Variants in ZNF678 observed in about 807,000 individuals in gnomAD.
The protein encoded by ZNF678 is hypothetical protein MGC42493.
ZNF678 carries 5 observed loss-of-function variants against 3.0 expected under a neutral mutation model. The observed-to-expected ratio is 1.69, with a 90% CI of 0.88 to 3.56. The LOEUF (loss-of-function observed/expected upper bound fraction) is 3.56, where lower values mean the gene tolerates loss of function less well. Among genes scored for constraint, ZNF678 ranks in the 30% most tolerant of loss-of-function variants. ZNF678 has a pLI of 0.00. For synonymous variants in ZNF678, 218 were observed against 199.6 expected (o/e 1.09, Z -0.78); for missense variants, 593 against 605.0 (o/e 0.98, Z 0.21).
chr1:227,599,188 T>A (rs1394494807), intron 1 of ZNF678: 1 of 1,088,418 alleles, frequency 9.2e-7, no homozygotes, highest in Non-Finnish European at 1.4e-6. Flanking sequence ...AAATAACCTT[T>A]GTTAAATTTA....
downstream of ZNF678, among the ~76,000 whole-genome samples, chr1:227,678,591 A>G (rs1431556098): frequency 6.6e-6 from 1 of 152,178 alleles, no homozygotes; most frequent in Admixed American, 6.5e-5. Context: ...GTCTGGTGGT[A>G]TTGTGGGAAA....
chr1:227,585,308 A>G (rs1049907559), intron 1 of ZNF678, among the ~76,000 whole-genome samples: 1 of 152,196 alleles, frequency 6.6e-6, no homozygotes, highest in Non-Finnish European at 1.5e-5. Context: ...CTGAAAACAC[A>G]GGTATCTTTG....
chr1:227,618,480 A>G (rs1478244453), intron 1 of ZNF678, among the ~76,000 whole-genome samples: 1 of 152,170 alleles, frequency 6.6e-6, no homozygotes, highest in African/African-American at 2.4e-5. Context: ...TCAAGCTTTC[A>G]TCTTATTTTC....
At chr1:227,640,663 A>G (rs1571907077) in intron 1 of ZNF678, among the ~76,000 whole-genome samples, 1 of 152,180 alleles carries the variant, frequency 6.6e-6, no homozygotes. Flanking sequence ...TGGACCCGTT[A>G]TCTAATTCGT....
At chr1:227,591,934 C>G (rs1190668695) in intron 1 of ZNF678, among the ~76,000 whole-genome samples, 1 of 152,160 alleles carries the variant, frequency 6.6e-6, no homozygotes, top group Non-Finnish European at 1.5e-5. Context: ...CCTCATGCTT[C>G]AGCCGTGCGT....
chr1:227,604,378 GA>G (rs1436468541), intron 1 of ZNF678, among the ~76,000 whole-genome samples: 1 of 152,172 alleles, frequency 6.6e-6, no homozygotes, highest in Non-Finnish European at 1.5e-5. Flanking sequence ...CATAAGAAGG[GA>G]TATCTCCCTG....
At chr1:227,587,739 C>A (rs1657297616) in intron 1 of ZNF678, among the ~76,000 whole-genome samples, 1 of 151,406 alleles carries the variant, frequency 6.6e-6, no homozygotes, top group African/African-American at 2.4e-5. Flanking sequence ...AAATTTGGAG[C>A]TTCTCCTCCA....
intron 1 of ZNF678, among the ~76,000 whole-genome samples, chr1:227,585,305 C>A (rs2935155): frequency 0.52 from 79,309 of 151,962 alleles, 21,948 homozygotes; most frequent in Non-Finnish European, 0.62. Context: ...TAGCTGAAAA[C>A]ACAGGTATCT....
chr1:227,608,428 A>G (rs1250232453), intron 1 of ZNF678, among the ~76,000 whole-genome samples: 2 of 152,166 alleles, frequency 1.3e-5, no homozygotes, highest in East Asian at 1.9e-4. Context: ...AATTTATTCA[A>G]CACATAAAAT....
chr1:227,565,598 G>A (rs1488244472), intron 1 of ZNF678, among the ~76,000 whole-genome samples: 6 of 151,706 alleles, frequency 4.0e-5, no homozygotes, highest in Non-Finnish European at 7.4e-5. Context: ...TTAAAGATTT[G>A]TTATCTGTTT....
In ZNF678 at chr1:227,656,017, A is replaced by G; in HGVS notation, c.*189A>G. ...AGATCTTCCTGTAAACAGAATCTGT[A>G]CTAGAGGAAAAACCCTTAAACAATT... is the stretch of plus-strand genomic sequence containing the variant. On this transcript the variant is annotated 3_prime_UTR_variant, in exon 4 of 4. Transcript: ENST00000343776. 2.2e-6 allele frequency: 1 copy of G among 465,030 alleles called. No homozygotes were observed. The highest frequency in any genetic ancestry group is 6.9e-5 in the South Asian group (1 of 14,484). The allele number at this position is 465,030 out of a possible 1,614,324, so 28.8% of individuals were successfully genotyped here.
At chr1:227,579,144 A>G (rs903697) in intron 1 of ZNF678, among the ~76,000 whole-genome samples, 79,321 of 151,792 alleles carry the variant, frequency 0.52, 21,977 homozygotes, top group Non-Finnish European at 0.62. Context: ...GAGGTGCAGC[A>G]GCTGCAGCAG....
chr1:227,677,304 A>T (rs559808545), exon 6 of ZNF678: 1 of 152,338 alleles, frequency 6.6e-6, no homozygotes, highest in East Asian at 1.9e-4. Flanking sequence ...GAAGCTCCCT[A>T]TCAAGTGCTC....
Position 227,583,916 on chromosome 1 carries a change from C to T in ZNF678, c.-164+20192C>T, listed in dbSNP as rs186188420. ...GAGATCAAACTAATACAGCATGGCC[C>T]AGAGACCCATGCATCCAAAAACAAG... On this transcript the variant is annotated intron_variant, in intron 1 of 3. Transcript: ENST00000343776. 2.5e-3 allele frequency among the ~76,000 whole-genome samples: 374 copies of T among 152,266 alleles called. 2 individuals carry two copies. The highest frequency in any genetic ancestry group is 4.3e-3 in the Non-Finnish European group (291 of 68,014).
Position 227,654,578 on chromosome 1 carries a change from TC to T in ZNF678, c.329del (p.Ser110Ter), listed in dbSNP as rs1461945351. On this transcript the variant is annotated frameshift_variant, in exon 4 of 4. Transcript: ENST00000343776. LOFTEE classifies it low-confidence loss of function (END_TRUNC). ...ATGTGGCAGAAATTTTAGCTGGAGG[TC>T]AATCCTTACTGAACATAAGAGAATT... ...IECGRNFSWR[S>X]ILTEHKRIHT... The T allele has an allele frequency of 6.2e-7, 1 of 1,613,396 alleles. No homozygotes were observed. The highest frequency in any genetic ancestry group is 1.7e-5 in the Admixed American group (1 of 59,878).
At chr1:227,586,735 T>G (rs754220637) in intron 1 of ZNF678, among the ~76,000 whole-genome samples, 2 of 152,202 alleles carry the variant, frequency 1.3e-5, no homozygotes, top group Non-Finnish European at 2.9e-5. Context: ...GTTTCTTCCT[T>G]GGCATGTGAG....
intron 1 of ZNF678, among the ~76,000 whole-genome samples, chr1:227,595,384 C>T (rs559690649): frequency 2.1e-4 from 32 of 152,166 alleles, no homozygotes; most frequent in African/African-American, 7.2e-4. Context: ...TCTGGGTGCC[C>T]TGGCTTTACA....
At chr1:227,598,192 A>T (rs1173843816) in intron 1 of ZNF678, among the ~76,000 whole-genome samples, 1 of 152,182 alleles carries the variant, frequency 6.6e-6, no homozygotes, top group Non-Finnish European at 1.5e-5. Context: ...ACTGCAGAGT[A>T]TTATCTCCCA....
intron 1 of ZNF678, among the ~76,000 whole-genome samples, chr1:227,594,226 C>T (rs1042779599): frequency 2.6e-5 from 4 of 152,150 alleles, no homozygotes; most frequent in African/African-American, 9.6e-5. Context: ...TACCATTTTA[C>T]ATTTAACAAT....
Sources: allele counts gnomAD v4.1 joint callset (sites outside exome capture counted in the v4.1 genomes callset), GRCh38; gene constraint gnomAD v4.1.1; transcripts MANE v1.5; gene names NCBI Gene and HGNC (gene_info 2026-07-23, HGNC 2026-07-21).